The following EPAS1 variants were observed in gnomAD, a reference collection of about 807,000 sequenced individuals.
EPAS1 encodes the protein endothelial PAS domain protein 1.
Under a neutral mutation model 87.9 loss-of-function variants are expected in EPAS1, and 23 were observed. That is an observed-to-expected ratio of 0.26 (90% CI 0.19 to 0.37). The LOEUF is 0.37. EPAS1 is among the 10% of genes least tolerant of loss of function. The pLI, the probability that EPAS1 is intolerant of heterozygous loss-of-function variation, is 1.00. For synonymous variants in EPAS1, 508 were observed against 444.3 expected (o/e 1.14, Z -1.80); for missense variants, 1,138 against 1,120.7 (o/e 1.02, Z -0.22).
chr2:46,303,947 G>A (rs990623601), intron 1 of EPAS1, among the ~76,000 whole-genome samples: 8 of 152,170 alleles, frequency 5.3e-5, no homozygotes, highest in Admixed American at 2.0e-4. Flanking sequence ...CCTGGCTGGC[G>A]TGTCCGTCCA....
At chr2:46,298,088 G>T (rs1682922760) in intron 1 of EPAS1, 151 bp downstream of exon 1, 1 of 1,012,974 alleles carries the variant, frequency 9.9e-7, no homozygotes, top group Non-Finnish European at 1.5e-6. Flanking sequence ...GGGAGAGCAT[G>T]TGCCCGGTTT....
At chr2:46,326,799 T>C (rs577640401) in intron 1 of EPAS1, among the ~76,000 whole-genome samples, 1 of 152,188 alleles carries the variant, frequency 6.6e-6, no homozygotes, top group Non-Finnish European at 1.5e-5. Flanking sequence ...AGACAGGAGA[T>C]AGTAAATACC....
At chr2:46,356,967 G>A (rs1236540118) in intron 4 of EPAS1, among the ~76,000 whole-genome samples, 159 bp downstream of exon 4, 3 of 152,066 alleles carry the variant, frequency 2.0e-5, no homozygotes, top group Non-Finnish European at 2.9e-5. Context: ...GATGAGATTG[G>A]GGCATTGAGA....
At chr2:46,299,242 G>A (rs1479373424) in intron 1 of EPAS1, among the ~76,000 whole-genome samples, 2 of 152,332 alleles carry the variant, frequency 1.3e-5, no homozygotes, top group East Asian at 1.9e-4. Context: ...TTTGATAAAC[G>A]GGAGCGAATC....
chr2:46,329,049 A>T (rs1428758238), intron 1 of EPAS1, among the ~76,000 whole-genome samples: 1 of 152,268 alleles, frequency 6.6e-6, no homozygotes, highest in Admixed American at 6.5e-5. Flanking sequence ...GAACTTGGCC[A>T]AGGATTATGC....
intron 1 of EPAS1, among the ~76,000 whole-genome samples, chr2:46,313,975 G>A (rs1019792799): frequency 6.6e-6 from 1 of 152,100 alleles, no homozygotes; most frequent in Admixed American, 6.5e-5. Context: ...TTTGTTCAGT[G>A]CTTAATTTTT....
At chr2:46,383,375 G>T (rs1387701134) in intron 15 of EPAS1, among the ~76,000 whole-genome samples, 4 of 152,228 alleles carry the variant, frequency 2.6e-5, no homozygotes, top group African/African-American at 9.6e-5. Context: ...CCTTCATCTT[G>T]ACAGTATCTT....
chr2:46,376,973 G>A (rs547662902), intron 9 of EPAS1, among the ~76,000 whole-genome samples: 15 of 152,282 alleles, frequency 9.9e-5, no homozygotes, highest in Admixed American at 3.3e-4. Flanking sequence ...ACCTCACCAA[G>A]TGCTGTACGA....
intron 1 of EPAS1, among the ~76,000 whole-genome samples, chr2:46,339,064 C>A (rs895670349): frequency 1.3e-5 from 2 of 152,140 alleles, no homozygotes; most frequent in African/African-American, 4.8e-5. Flanking sequence ...AAATTAGAAA[C>A]CATAACGAAA....
At chr2:46,382,798 A>C (rs1202273559) in intron 15 of EPAS1, among the ~76,000 whole-genome samples, 200 bp downstream of exon 15, 2 of 152,202 alleles carry the variant, frequency 1.3e-5, no homozygotes, top group African/African-American at 4.8e-5. Flanking sequence ...CAGGCCCCCC[A>C]GTGGGTGGGT....
intron 1 of EPAS1, among the ~76,000 whole-genome samples, chr2:46,322,447 T>C (rs1193894147): frequency 6.6e-6 from 1 of 152,154 alleles, no homozygotes; most frequent in Non-Finnish European, 1.5e-5. Flanking sequence ...TTAGTGTGCA[T>C]CAGAACTGCC....
chr2:46,382,171 T>C, intron 14 of EPAS1, 82 bp downstream of exon 14: 2 of 1,327,714 alleles, frequency 1.5e-6, no homozygotes, highest in Non-Finnish European at 2.1e-6. Context: ...GGTTCTTCCA[T>C]TCACCACAGG....
At chr2:46,381,451 C>G in intron 12 of EPAS1, 145 bp from the exon 13 acceptor site, 1 of 1,330,026 alleles carries the variant, frequency 7.5e-7, no homozygotes, top group South Asian at 1.2e-5. Flanking sequence ...TGCAGGTGCA[C>G]AGCCTGCCTC....
chr2:46,349,834 C>T (rs1684113204), intron 2 of EPAS1, among the ~76,000 whole-genome samples: 1 of 152,228 alleles, frequency 6.6e-6, no homozygotes, highest in African/African-American at 2.4e-5. Context: ...GCTTTTCCAA[C>T]ACATGTAGCG....
intron 1 of EPAS1, among the ~76,000 whole-genome samples, chr2:46,345,807 C>T (rs759275865): frequency 2.6e-5 from 4 of 152,068 alleles, no homozygotes; most frequent in Non-Finnish European, 5.9e-5. Flanking sequence ...AACTTTTTAA[C>T]TCTTATGATT....
At chr2:46,313,251 C>T (rs1032890873) in intron 1 of EPAS1, among the ~76,000 whole-genome samples, 1 of 152,156 alleles carries the variant, frequency 6.6e-6, no homozygotes, top group East Asian at 1.9e-4. Context: ...TCATCTGTAA[C>T]ATCTTTGATG....
intron 1 of EPAS1, among the ~76,000 whole-genome samples, chr2:46,329,249 G>A (rs1023487341): frequency 6.6e-6 from 1 of 152,158 alleles, no homozygotes; most frequent in African/African-American, 2.4e-5. Flanking sequence ...TGTCATCTGG[G>A]TGCGAGGCAA....
chr2:46,304,826 C>G (rs55644655), intron 1 of EPAS1, among the ~76,000 whole-genome samples: 7,924 of 152,180 alleles, frequency 0.052, 695 homozygotes, highest in African/African-American at 0.18. Flanking sequence ...CTCTTTTGAT[C>G]TTTTGAAATT....
At chr2:46,364,272 A>G (rs780219118) in intron 6 of EPAS1, among the ~76,000 whole-genome samples, 6 of 152,234 alleles carry the variant, frequency 3.9e-5, no homozygotes, top group Non-Finnish European at 7.3e-5. Flanking sequence ...TTGTTTTCCT[A>G]CAAGAAAAGT....
Sources: allele counts gnomAD v4.1 joint callset (sites outside exome capture counted in the v4.1 genomes callset), GRCh38; gene constraint gnomAD v4.1.1; transcripts MANE v1.5; gene names NCBI Gene and HGNC (gene_info 2026-07-23, HGNC 2026-07-21).